ESR1: variants seen among roughly 807,000 people sequenced by gnomAD.
ESR1 encodes estrogen receptor 1, also known as estrogen receptor.
Under a neutral mutation model 52.7 loss-of-function variants are expected in ESR1, and 12 were observed. The ratio of observed to expected loss-of-function variants is 0.23; its 90% CI spans 0.15 to 0.37. The LOEUF is 0.37. Among genes scored for constraint, ESR1 ranks in the 10% least tolerant of loss-of-function variants. The pLI, the probability that ESR1 is intolerant of heterozygous loss-of-function variation, is 1.00. For synonymous variants in ESR1, 305 were observed against 316.8 expected, an observed-to-expected ratio of 0.96 and a Z score of 0.39; for missense variants, 584 against 779.7, an observed-to-expected ratio of 0.75 and a Z score of 2.99.
At position 152,108,769 on chromosome 6, in the gene ESR1, A is replaced by G. The variant is rs529250007; in HGVS notation, c.851-16497A>G. On this transcript the variant is annotated intron_variant, in intron 6 of 6. Coordinates refer to the ESR1 transcript ENST00000427531. Reference sequence around the variant, plus strand: ...GGTAAAGAGCACATTCTCCAGTGTTAGATATTCTTAAGCCTTTGGGAACAT... The same window carrying G: ...GGTAAAGAGCACATTCTCCAGTGTTGGATATTCTTAAGCCTTTGGGAACAT... Among the ~76,000 whole-genome samples the G allele has an allele frequency of 1.5e-4, 23 of 152,348 alleles. 1 individual carries two copies. In the South Asian group the frequency reaches 4.6e-3, roughly 30 times the overall value.
chr6:152,020,225 A>AT (rs2043516279), intron 5 of ESR1, among the ~76,000 whole-genome samples: 1 of 152,168 alleles, frequency 6.6e-6, no homozygotes, highest in African/African-American at 2.4e-5. Flanking sequence ...TAGACTTATT[A>AT]TCCATTTATC....
At position 152,101,368 on chromosome 6, in the gene ESR1, T is replaced by G. The variant is rs1043560214; in HGVS notation, c.*2402T>G. On this transcript the variant is annotated 3_prime_UTR_variant, in exon 8 of 8. Transcript: ENST00000206249. ...ATACTTAGATTTTCTTTTAAAAAAA[T>G]TAAAATAAAACAAAAAAAAATTTCT... 2 of 232,476 alleles carry G rather than the reference T, an allele frequency of 8.6e-6. No homozygotes were observed. Among genetic ancestry groups the G allele is most frequent in the Non-Finnish European group, 1.7e-5 (2 of 117,508 alleles). 14.4% of individuals were successfully genotyped at this position (232,476 alleles called of 1,614,324 possible).
intron 2 of ESR1, among the ~76,000 whole-genome samples, chr6:151,771,726 G>A (rs1785535853): frequency 6.6e-6 from 1 of 152,098 alleles, no homozygotes; most frequent in South Asian, 2.1e-4. Context: ...TACCCCTGGG[G>A]AGTGAGGTTA....
At chr6:151,673,324 T>A (rs187902298) in intron 1 of ESR1, among the ~76,000 whole-genome samples, 1 of 152,234 alleles carries the variant, frequency 6.6e-6, no homozygotes, top group African/African-American at 2.4e-5. Flanking sequence ...TTTTGCCTTA[T>A]ATATTTGGCT....
rs556719342 is a variant in ESR1, at chr6:151,751,206, A to AT, written c.-71+49208dup. 1.6e-4 allele frequency among the ~76,000 whole-genome samples: 24 copies of AT among 152,170 alleles called. No individual in the cohort carries two copies. In the East Asian group the frequency reaches 4.6e-3, roughly 29 times the overall value. Reference sequence around the variant, plus strand: ...CTTTAGGGAAAGGCTCTGTACTGGGATTTTTTTGAGGCCTATGATTTATGG... The same window carrying AT: ...CTTTAGGGAAAGGCTCTGTACTGGGATTTTTTTTGAGGCCTATGATTTATGG... On this transcript the variant is annotated intron_variant, in intron 2 of 2. Coordinates refer to the ESR1 transcript ENST00000404742.
Position 151,758,761 on chromosome 6 carries a change from T to TAA in ESR1, c.-70-49067_-70-49066dup, listed in dbSNP as rs67609508. ...AACAGAGTGAGACTCTGTCTCAAAT[T>TAA]AAAAAAAAAAAAAAAAGAAGAAGGA... On this transcript the variant is annotated intron_variant, in intron 2 of 2. Transcript: ENST00000404742. Among the ~76,000 whole-genome samples the TAA allele has an allele frequency of 7.5e-3, 929 of 124,312 alleles. 18 individuals are homozygous for TAA. The highest frequency in any genetic ancestry group is 0.026 in the African/African-American group (880 of 33,300). 81.6% of individuals were successfully genotyped at this position (124,312 alleles called of 152,430 possible).
chr6:151,704,500 C>T (rs1325032593), intron 2 of ESR1, among the ~76,000 whole-genome samples: 1 of 152,322 alleles, frequency 6.6e-6, no homozygotes, highest in East Asian at 1.9e-4. Flanking sequence ...GGTGATCCAC[C>T]CGCCTCAGCC....
chr6:151,954,048 G>C (rs2036628707), intron 4 of ESR1, among the ~76,000 whole-genome samples: 1 of 151,986 alleles, frequency 6.6e-6, no homozygotes, highest in Non-Finnish European at 1.5e-5. Context: ...CATTTTTCTT[G>C]CTAGCGTGAA....
At chr6:151,838,437 C>T (rs1337135931) in intron 1 of ESR1, among the ~76,000 whole-genome samples, 3 of 152,112 alleles carry the variant, frequency 2.0e-5, no homozygotes, top group African/African-American at 7.2e-5. Flanking sequence ...CCTGACCCAC[C>T]CTTATGGCCC....
intron 2 of ESR1, among the ~76,000 whole-genome samples, chr6:151,876,076 G>A (rs184529517): frequency 6.6e-6 from 1 of 152,220 alleles, no homozygotes; most frequent in East Asian, 1.9e-4. Flanking sequence ...GCGCAAAATT[G>A]GTTTCGCTTT....
chr6:151,881,929 T>A (rs975445836), intron 3 of ESR1, among the ~76,000 whole-genome samples: 2 of 133,958 alleles, frequency 1.5e-5, no homozygotes. Context: ...AATAAATAAA[T>A]AAAGTAACGG....
At chr6:151,800,964 C>T (rs1777177104), upstream of ESR1, among the ~76,000 whole-genome samples, 1 of 151,934 alleles carries the variant, frequency 6.6e-6, no homozygotes, top group Admixed American at 6.6e-5. Context: ...AAATGCTAAA[C>T]TGCTCAAATC....
chr6:152,050,701 CCTT>C (rs757342208), intron 5 of ESR1, among the ~76,000 whole-genome samples: 2 of 152,272 alleles, frequency 1.3e-5, no homozygotes, highest in Non-Finnish European at 2.9e-5. Flanking sequence ...GACATGCTGT[CCTT>C]CTGGTGAGAT....
chr6:151,870,819 T>C (rs1294858663), intron 2 of ESR1, among the ~76,000 whole-genome samples: 2 of 152,092 alleles, frequency 1.3e-5, no homozygotes, highest in Admixed American at 6.6e-5. Flanking sequence ...ACCCACCCCA[T>C]GTAGATGCTT....
At chr6:151,880,798 T>G in intron 3 of ESR1, 27 bp downstream of exon 3, 1 of 1,228,478 alleles carries the variant, frequency 8.1e-7, no homozygotes, top group Non-Finnish European at 1.2e-6. Context: ...CAGGGGCCCT[T>G]GGGGATGGCC....
chr6:151,706,962 A>G (rs1012665691), intron 2 of ESR1, among the ~76,000 whole-genome samples: 4 of 152,162 alleles, frequency 2.6e-5, no homozygotes, highest in Non-Finnish European at 5.9e-5. Flanking sequence ...TTTATATGAC[A>G]CTGGCAGGAT....
At chr6:152,084,775 C>G (rs13192678) in intron 6 of ESR1, among the ~76,000 whole-genome samples, 2 of 151,422 alleles carry the variant, frequency 1.3e-5, no homozygotes. Context: ...GTCTATTTCT[C>G]ACAAGTAGGA....
intron 6 of ESR1, among the ~76,000 whole-genome samples, chr6:152,066,976 T>C (rs532087936): frequency 6.6e-6 from 1 of 152,340 alleles, no homozygotes; most frequent in South Asian, 2.1e-4. Flanking sequence ...ACACAGTAGA[T>C]GCACATGAGT....
At chr6:151,886,860 G>A (rs1031232125) in intron 3 of ESR1, among the ~76,000 whole-genome samples, 52 of 151,942 alleles carry the variant, frequency 3.4e-4, no homozygotes, top group African/African-American at 1.2e-3. Flanking sequence ...GACCAACATG[G>A]TATAACCTCG....
Sources: gnomAD v4.1 joint callset for allele counts (sites outside exome capture counted in the v4.1 genomes callset) on GRCh38, gnomAD v4.1.1 for gene constraint, MANE v1.5 for transcripts, NCBI Gene and HGNC (gene_info 2026-07-23, HGNC 2026-07-21) for gene names.